Variants in NTNG1 observed in about 807,000 individuals in gnomAD.
NTNG1 encodes the protein netrin G1.
NTNG1 carries 16 observed loss-of-function variants against 54.0 expected under a neutral mutation model. That is an observed-to-expected ratio of 0.30 (90% CI 0.20 to 0.45). The LOEUF (loss-of-function observed/expected upper bound fraction) is 0.45. Among genes scored for constraint, NTNG1 ranks in the 20% least tolerant of loss-of-function variants. The probability of loss-of-function intolerance (pLI) is 1.00; values close to 1 mark genes in which losing one functional copy is unlikely to be tolerated. For synonymous variants in NTNG1, 255 were observed against 263.1 expected, an observed-to-expected ratio of 0.97 and a Z score of 0.30; for missense variants, 530 against 678.7, an observed-to-expected ratio of 0.78 and a Z score of 2.43.
chr1:107,380,422 T>C (rs1172319592), intron 3 of NTNG1, among the ~76,000 whole-genome samples: 2 of 152,198 alleles, frequency 1.3e-5, no homozygotes, highest in African/African-American at 2.4e-5. Context: ...CTTTATATTC[T>C]GTTACACATA....
chr1:107,446,842 T>C (rs1676335499), intron 7 of NTNG1, among the ~76,000 whole-genome samples: 1 of 152,110 alleles, frequency 6.6e-6, no homozygotes, highest in South Asian at 2.1e-4. Context: ...TACAGAGTGA[T>C]TGATTGTCTT....
At chr1:107,211,921 G>T (rs1557813537) in intron 2 of NTNG1, among the ~76,000 whole-genome samples, 1 of 152,144 alleles carries the variant, frequency 6.6e-6, no homozygotes, top group African/African-American at 2.4e-5. Flanking sequence ...CAGTTTATGG[G>T]GAGAAATGTA....
intron 2 of NTNG1, among the ~76,000 whole-genome samples, chr1:107,243,470 G>C (rs992958585): frequency 1.3e-5 from 2 of 152,172 alleles, no homozygotes; most frequent in Non-Finnish European, 2.9e-5. Context: ...GCCTTGGTTT[G>C]TTCATTCAAT....
At chr1:107,204,558 C>G (rs1360933018) in intron 2 of NTNG1, among the ~76,000 whole-genome samples, 1 of 152,056 alleles carries the variant, frequency 6.6e-6, no homozygotes, top group Non-Finnish European at 1.5e-5. Context: ...CTGTCTCTGA[C>G]CCTTCATATC....
chr1:107,470,602 A>AT (rs2101581470), intron 7 of NTNG1, among the ~76,000 whole-genome samples: 2 of 152,310 alleles, frequency 1.3e-5, no homozygotes, highest in South Asian at 2.1e-4. Context: ...TGAAACGATG[A>AT]TTTTTACCCT....
intron 2 of NTNG1, among the ~76,000 whole-genome samples, chr1:107,161,463 C>A (rs1655389162): frequency 6.6e-6 from 1 of 151,848 alleles, no homozygotes; most frequent in Non-Finnish European, 1.5e-5. Context: ...GAGTTTGAGA[C>A]CAACCTGGCC....
intron 2 of NTNG1, among the ~76,000 whole-genome samples, chr1:107,321,687 A>C (rs1201361504): frequency 6.6e-6 from 1 of 152,148 alleles, no homozygotes; most frequent in Non-Finnish European, 1.5e-5. Flanking sequence ...CAAGGTTCTT[A>C]ATTTCAAGGT....
intron 3 of NTNG1, among the ~76,000 whole-genome samples, chr1:107,340,185 C>A (rs1488111333): frequency 1.3e-5 from 2 of 152,010 alleles, no homozygotes; most frequent in Non-Finnish European, 2.9e-5. Flanking sequence ...TTGAAAATAT[C>A]TTATGCCTTA....
At chr1:107,468,981 A>G (rs577545796) in intron 7 of NTNG1, among the ~76,000 whole-genome samples, 7 of 151,596 alleles carry the variant, frequency 4.6e-5, no homozygotes, top group Admixed American at 1.3e-4. Context: ...CTATAATCCC[A>G]GCTACTCAGG....
intron 2 of NTNG1, among the ~76,000 whole-genome samples, chr1:107,157,569 T>G (rs1439992256): frequency 1.3e-5 from 2 of 152,180 alleles, no homozygotes. Flanking sequence ...CAAAATTATC[T>G]TATTCCCACC....
chr1:107,428,011 G>A (rs1422152076), intron 5 of NTNG1, among the ~76,000 whole-genome samples: 1 of 152,000 alleles, frequency 6.6e-6, no homozygotes, highest in Non-Finnish European at 1.5e-5. Flanking sequence ...TACAGATTTG[G>A]TTTTCTTACT....
intron 2 of NTNG1, among the ~76,000 whole-genome samples, chr1:107,322,399 C>T (rs1350581371): frequency 1.3e-5 from 2 of 152,044 alleles, no homozygotes; most frequent in Non-Finnish European, 2.9e-5. Context: ...TACATGCTGA[C>T]AGATTTTGAA....
intron 2 of NTNG1, among the ~76,000 whole-genome samples, chr1:107,242,058 A>G (rs1661868456): frequency 6.6e-6 from 1 of 152,164 alleles, no homozygotes; most frequent in Admixed American, 6.5e-5. Flanking sequence ...AGATCGCTCA[A>G]TGAGCCCAGG....
intron 2 of NTNG1, among the ~76,000 whole-genome samples, chr1:107,266,417 T>C (rs888144571): frequency 6.6e-6 from 1 of 152,134 alleles, no homozygotes; most frequent in African/African-American, 2.4e-5. Context: ...CTTACATGGA[T>C]GAGGCAGGAG....
intron 6 of NTNG1, among the ~76,000 whole-genome samples, chr1:107,432,963 A>G (rs1219379583): frequency 6.6e-6 from 1 of 152,160 alleles, no homozygotes; most frequent in Non-Finnish European, 1.5e-5. Context: ...GTAAATCCAT[A>G]TTTGATTATC....
intron 5 of NTNG1, among the ~76,000 whole-genome samples, chr1:107,417,554 G>A (rs767194163): frequency 1.3e-5 from 2 of 151,996 alleles, no homozygotes; most frequent in African/African-American, 4.8e-5. Flanking sequence ...ATGAGAAATC[G>A]ACCTATACAA....
chr1:107,423,679 T>C lies in NTNG1; in HGVS notation c.1088-7071T>C, dbSNP rs568791317. Among the ~76,000 whole-genome samples the C allele has an allele frequency of 9.2e-5, 14 of 152,270 alleles. No individual in the cohort carries two copies. In the South Asian group the frequency reaches 2.7e-3, roughly 29 times the overall value. On this transcript the variant is annotated intron_variant, in intron 5 of 7. Transcript: ENST00000370068. ...AAATGCAATTTGACATTAAAAACTA[T>C]ATAAAACCACAGCAATTTTCAGAAA...
chr1:107,416,016 A>G (rs1213740219), intron 5 of NTNG1, among the ~76,000 whole-genome samples: 1 of 152,170 alleles, frequency 6.6e-6, no homozygotes, highest in Non-Finnish European at 1.5e-5. Context: ...TGCAATTATA[A>G]AACAAAATAC....
chr1:107,282,087 C>A (rs945361762), intron 2 of NTNG1, among the ~76,000 whole-genome samples: 1 of 152,072 alleles, frequency 6.6e-6, no homozygotes, highest in Non-Finnish European at 1.5e-5. Flanking sequence ...TTTACAGATA[C>A]GATGCTTAAT....
Sources: allele counts gnomAD v4.1 joint callset (sites outside exome capture counted in the v4.1 genomes callset), GRCh38; gene constraint gnomAD v4.1.1; transcripts MANE v1.5; gene names NCBI Gene and HGNC (gene_info 2026-07-23, HGNC 2026-07-21).